The following SPON1 variants were observed in gnomAD, a reference collection of about 807,000 sequenced individuals.
SPON1 encodes spondin 1.
Under a neutral mutation model 111.7 loss-of-function variants are expected in SPON1, and 52 were observed. The observed-to-expected ratio is 0.47, with a 90% confidence interval of 0.37 to 0.59. SPON1 has a LOEUF of 0.59. Ranked by LOEUF, SPON1 falls within the 20% of genes least tolerant of loss-of-function variation. The probability of loss-of-function intolerance (pLI) is 0.00; values close to 1 mark genes in which losing one functional copy is unlikely to be tolerated. For synonymous variants in SPON1, 410 were observed against 395.8 expected, an observed-to-expected ratio of 1.04 and a Z score of -0.43; for missense variants, 957 against 1,068.5, an observed-to-expected ratio of 0.90 and a Z score of 1.46.
intron 3 of SPON1, among the ~76,000 whole-genome samples, chr11:14,073,731 T>C (rs1196247671): frequency 6.6e-6 from 1 of 152,228 alleles, no homozygotes; most frequent in Non-Finnish European, 1.5e-5. Flanking sequence ...GGTTATTTGA[T>C]ACTTTCTCCT....
At chr11:14,184,792 T>C (rs1848268858) in intron 6 of SPON1, among the ~76,000 whole-genome samples, 1 of 152,160 alleles carries the variant, frequency 6.6e-6, no homozygotes, top group Non-Finnish European at 1.5e-5. Context: ...CCAGGCAAGA[T>C]AAGAAAACAA....
chr11:14,209,582 G>A (rs1173194011), intron 6 of SPON1, among the ~76,000 whole-genome samples: 1 of 152,132 alleles, frequency 6.6e-6, no homozygotes, highest in Non-Finnish European at 1.5e-5. Context: ...CCCTGCAAAG[G>A]ACATGAACTC....
intron 5 of SPON1, among the ~76,000 whole-genome samples, chr11:14,124,501 C>T (rs550419488): frequency 1.2e-3 from 181 of 152,306 alleles, no homozygotes; most frequent in African/African-American, 4.2e-3. Flanking sequence ...ACCTATCTTC[C>T]ATGCCCTTCA....
At chr11:14,148,239 A>T (rs1259704327) in intron 6 of SPON1, among the ~76,000 whole-genome samples, 5 of 152,192 alleles carry the variant, frequency 3.3e-5, no homozygotes, top group Non-Finnish European at 7.3e-5. Context: ...TAAAAAAGAA[A>T]ATGCAGCAGG....
chr11:14,229,673 C>T (rs1313856978), intron 6 of SPON1, among the ~76,000 whole-genome samples: 49 of 152,080 alleles, frequency 3.2e-4, no homozygotes, highest in Admixed American at 3.1e-3. Flanking sequence ...GCACAGTGTC[C>T]GACCCAGAAA....
intron 1 of SPON1, among the ~76,000 whole-genome samples, chr11:13,973,968 A>G (rs1848083341): frequency 6.6e-6 from 1 of 152,226 alleles, no homozygotes; most frequent in African/African-American, 2.4e-5. Context: ...CACTGGCTGA[A>G]GAAGGCCATC....
chr11:14,072,450 G>A (rs1426385210), intron 3 of SPON1, among the ~76,000 whole-genome samples: 2 of 151,964 alleles, frequency 1.3e-5, no homozygotes, highest in African/African-American at 2.4e-5. Flanking sequence ...CCTATTTACA[G>A]TAGGAGGAAG....
At chr11:14,245,082 A>T (rs186218081) in intron 7 of SPON1, among the ~76,000 whole-genome samples, 131 of 152,302 alleles carry the variant, frequency 8.6e-4, no homozygotes, top group African/African-American at 3.0e-3. Flanking sequence ...GAAGACAGCA[A>T]CAATGTGAGG....
intron 5 of SPON1, among the ~76,000 whole-genome samples, chr11:14,089,719 G>A (rs782510063): frequency 6.6e-6 from 1 of 152,204 alleles, no homozygotes; most frequent in African/African-American, 2.4e-5. Flanking sequence ...TGGCAGGCAG[G>A]AATGTTTAAA....
intron 11 of SPON1, among the ~76,000 whole-genome samples, chr11:14,258,392 T>G (rs1554941460): frequency 6.6e-6 from 1 of 152,206 alleles, no homozygotes; most frequent in South Asian, 2.1e-4. Context: ...AGTGCAAAGG[T>G]CAGCCTTTAA....
intron 3 of SPON1, among the ~76,000 whole-genome samples, chr11:14,061,926 G>T (rs12363618): frequency 0.065 from 9,833 of 152,274 alleles, 436 homozygotes; most frequent in South Asian, 0.18. Flanking sequence ...CTAACTGCAG[G>T]CTTGCATGTG....
intron 5 of SPON1, among the ~76,000 whole-genome samples, chr11:14,133,283 T>C (rs1204515504): frequency 6.6e-6 from 1 of 152,236 alleles, no homozygotes; most frequent in Admixed American, 6.5e-5. Flanking sequence ...AAACATATAC[T>C]GAGCACTAAC....
intron 6 of SPON1, among the ~76,000 whole-genome samples, chr11:14,145,429 A>G (rs1242431094): frequency 1.3e-5 from 2 of 152,242 alleles, no homozygotes; most frequent in African/African-American, 4.8e-5. Flanking sequence ...TTTTACAGTA[A>G]CTGAGCCAAA....
chr11:14,260,469 A>G lies in SPON1; in HGVS notation c.1832-119A>G, dbSNP rs1431039229. 7.2e-6 allele frequency: 8 copies of G among 1,118,532 alleles called. No individual in the cohort carries two copies. The African/African-American group carries it at 1.3e-4, about 17-fold the overall frequency. 69.3% of individuals were successfully genotyped at this position (1,118,532 alleles called of 1,614,324 possible). On this transcript the variant is annotated intron_variant, in intron 13 of 15. Transcript: ENST00000576479. ...TCACTCTTATTTGAACCCATGGGCC[A>G]ATTCCACTTTATTCCAGGGGCCAAA...
At chr11:14,124,385 C>T (rs1182357789) in intron 5 of SPON1, among the ~76,000 whole-genome samples, 2 of 152,230 alleles carry the variant, frequency 1.3e-5, no homozygotes, top group African/African-American at 4.8e-5. Context: ...AGGACACCTC[C>T]TCTGGAACCA....
intron 5 of SPON1, among the ~76,000 whole-genome samples, chr11:14,091,022 G>A (rs577956842): frequency 6.6e-6 from 1 of 152,100 alleles, no homozygotes; most frequent in Non-Finnish European, 1.5e-5. Flanking sequence ...GACACAGCGT[G>A]TCGATTGGTG....
intron 1 of SPON1, among the ~76,000 whole-genome samples, chr11:13,981,337 TG>T (rs1465288280): frequency 1.3e-5 from 2 of 152,178 alleles, no homozygotes; most frequent in African/African-American, 4.8e-5. Context: ...CTTTTGTTTT[TG>T]TTTTTTGAGA....
chr11:14,142,880 T>C (rs1480348730), intron 6 of SPON1, among the ~76,000 whole-genome samples: 1 of 152,178 alleles, frequency 6.6e-6, no homozygotes, highest in Non-Finnish European at 1.5e-5. Context: ...AAGCTGGAAT[T>C]GGAAGGCATC....
chr11:14,254,619 G>A lies in SPON1; in HGVS notation c.982G>A (p.Val328Ile), dbSNP rs1204840910. ...GATGGGCCCTAGTCCCGACTGGAAC[G>A]TAGGCTTATCTGCAGAAGATCTGTG... ...TMMGPSPDWNVGLSAEDLCTK... is the reference protein window; with the variant it reads ...TMMGPSPDWNIGLSAEDLCTK... The change falls in exon 8 of 16, where the codon GTA (valine) becomes ATA (isoleucine). Residue 328 changes from valine (V) to isoleucine (I), a missense_variant. By Grantham distance (29) the Val-to-Ile change is conservative. Around this residue, in one of 5 missense-constraint regions of SPON1, gnomAD observed 19 missense variants for 47.5 expected, o/e 0.40. Coordinates refer to ENST00000576479, the MANE Select transcript of SPON1 (RefSeq NM_006108.4). The A allele has an allele frequency of 3.7e-6, 6 of 1,614,036 alleles. No individual in the cohort carries two copies. The highest frequency in any genetic ancestry group is 3.4e-6 in the Non-Finnish European group (4 of 1,179,898).
Sources: allele counts gnomAD v4.1 joint callset (sites outside exome capture counted in the v4.1 genomes callset), GRCh38; gene constraint gnomAD v4.1.1; regional missense constraint gnomAD v4.1.1; transcripts MANE v1.5; gene names NCBI Gene and HGNC (gene_info 2026-07-23, HGNC 2026-07-21).